The following ERICH2 variants were observed in gnomAD, a reference collection of about 807,000 sequenced individuals.
The protein encoded by ERICH2 is glutamate rich 2, also known as glutamate-rich protein 2.
A neutral mutation model predicts 17.4 loss-of-function variants in ERICH2; 17 were observed. The observed-to-expected ratio is 0.98, with a 90% CI of 0.67 to 1.47. ERICH2 has a LOEUF of 1.47. Ranked by LOEUF, ERICH2 falls within the 40% of genes most tolerant of loss-of-function variation. The pLI is 0.00. For missense variants in ERICH2, 186 were observed against 183.2 expected (o/e 1.01, Z -0.09); for synonymous variants, 51 against 61.1 (o/e 0.83, Z 0.77).
intron 3 of ERICH2, among the ~76,000 whole-genome samples, chr2:170,796,852 AT>A (rs1211580599): frequency 6.6e-6 from 1 of 152,162 alleles, no homozygotes; most frequent in Non-Finnish European, 1.5e-5. Flanking sequence ...ATGATGCAAA[AT>A]TATGAATACT....
At chr2:170,783,430 G>A (rs190436384), upstream of ERICH2, among the ~76,000 whole-genome samples, 1 of 152,188 alleles carries the variant, frequency 6.6e-6, no homozygotes, top group Admixed American at 6.5e-5. Context: ...TGCGCCTGTA[G>A]TCCAGCTACT....
intron 2 of ERICH2, among the ~76,000 whole-genome samples, chr2:170,787,276 T>G (rs2105701658): frequency 6.6e-6 from 1 of 152,342 alleles, no homozygotes; most frequent in African/African-American, 2.4e-5. Context: ...GGGTACAAAC[T>G]TTTTTTGTTT....
chr2:170,771,087 T>G, the ERICH2 span: 1 of 153,206 alleles, frequency 6.5e-6, no homozygotes, highest in Non-Finnish European at 1.5e-5. This position sits in a 1 kb window ranked among gnomAD's most constrained non-coding sequence, Gnocchi z 4.8. Flanking sequence ...ACGGCGACGC[T>G]GCGTTCCCGA....
Position 170,792,851 on chromosome 2 carries a change from A to C in ERICH2, c.217-12A>C. ...TTAAATTCACTTATCTGAAGAATTTAATGTTTTCCAGTTTCTGAGAGCAGA... is the reference window on the plus strand; with the variant it reads ...TTAAATTCACTTATCTGAAGAATTTCATGTTTTCCAGTTTCTGAGAGCAGA... On this transcript the variant is annotated splice_polypyrimidine_tract_variant and intron_variant, in intron 2 of 4. Coordinates refer to ENST00000409885, the Ensembl canonical transcript of ERICH2. 1 of 1,489,464 alleles carries C rather than the reference A, an allele frequency of 6.7e-7. No individual in the cohort carries two copies. Among genetic ancestry groups the C allele is most frequent in the Non-Finnish European group, 9.0e-7 (1 of 1,111,348 alleles). 92.3% of individuals were successfully genotyped at this position (1,489,464 alleles called of 1,614,324 possible).
the ERICH2 span, chr2:170,771,557 T>TGGCCC: frequency 6.6e-6 from 1 of 151,924 alleles, no homozygotes; most frequent in Non-Finnish European, 1.5e-5. This position sits in a 1 kb window ranked among gnomAD's most constrained non-coding sequence, Gnocchi z 4.8. Flanking sequence ...ATAACGAAGA[T>TGGCCC]GGCCCAGCCC....
intron 2 of ERICH2, among the ~76,000 whole-genome samples, chr2:170,785,205 T>C (rs1701130372): frequency 6.6e-6 from 1 of 152,190 alleles, no homozygotes; most frequent in Admixed American, 6.5e-5. Context: ...TTACACATTG[T>C]ATACAAGTAT....
chr2:170,778,641 A>G, the ERICH2 span, among the ~76,000 whole-genome samples: 2 of 152,174 alleles, frequency 1.3e-5, no homozygotes, highest in African/African-American at 2.4e-5. Flanking sequence ...CCAGAAAAAA[A>G]GAGCCTTGTT....
At chr2:170,791,780 T>C (rs1701297416) in intron 2 of ERICH2, among the ~76,000 whole-genome samples, 1 of 151,862 alleles carries the variant, frequency 6.6e-6, no homozygotes, top group African/African-American at 2.4e-5. Flanking sequence ...TAATGACTTA[T>C]AGAAAAATCT....
intron 3 of ERICH2, among the ~76,000 whole-genome samples, chr2:170,794,210 G>A (rs904765386): frequency 1.4e-5 from 2 of 144,656 alleles, no homozygotes; most frequent in Admixed American, 7.3e-5. Context: ...GAGTTCAAGT[G>A]ATTCTTATGC....
chr2:170,785,206 A>G (rs184409549), intron 2 of ERICH2, among the ~76,000 whole-genome samples: 4 of 152,320 alleles, frequency 2.6e-5, no homozygotes, highest in Non-Finnish European at 4.4e-5. Context: ...TACACATTGT[A>G]TACAAGTATC....
intron 3 of ERICH2, 131 bp downstream of exon 8, chr2:170,793,051 A>C: frequency 2.0e-6 from 1 of 500,964 alleles, no homozygotes; most frequent in Non-Finnish European, 3.6e-6. Flanking sequence ...ATTCCTTGAT[A>C]ATAAATTAGG....
At chr2:170,777,474 C>G in the ERICH2 span, 2 of 1,183,608 alleles carry the variant, frequency 1.7e-6, no homozygotes, top group Non-Finnish European at 2.1e-6. Context: ...CTATCTTGTC[C>G]TAAATAGTAA....
the ERICH2 span, chr2:170,770,985 C>G: frequency 6.8e-6 from 1 of 147,776 alleles, no homozygotes; most frequent in Non-Finnish European, 1.5e-5. Context: ...GCCCCCGCCC[C>G]CGCCCCCGCC....
chr2:170,794,670 C>T (rs1439445267), intron 3 of ERICH2, among the ~76,000 whole-genome samples: 2 of 152,130 alleles, frequency 1.3e-5, no homozygotes, highest in Non-Finnish European at 2.9e-5. Flanking sequence ...AAAATAGCAA[C>T]TCTACAATTA....
intron 2 of ERICH2, among the ~76,000 whole-genome samples, chr2:170,791,441 A>C (rs1315715782): frequency 6.6e-6 from 1 of 151,816 alleles, no homozygotes; most frequent in Non-Finnish European, 1.5e-5. Flanking sequence ...TATCCATATT[A>C]ATTAGTATGT....
the ERICH2 span, among the ~76,000 whole-genome samples, chr2:170,774,565 T>TTC: frequency 0.13 from 5,859 of 45,048 alleles, 483 homozygotes; most frequent in Admixed American, 0.23. Flanking sequence ...GAGCCCCATC[T>TTC]TTTTTTTTTT....
the ERICH2 span, chr2:170,777,382 A>G: frequency 8.7e-7 from 1 of 1,143,550 alleles, no homozygotes; most frequent in Non-Finnish European, 1.1e-6. Flanking sequence ...TTTAGACAGC[A>G]AAGAACAAAC....
intron 3 of ERICH2, among the ~76,000 whole-genome samples, chr2:170,796,518 C>A (rs1701428109): frequency 6.7e-6 from 1 of 148,988 alleles, no homozygotes. Context: ...CCACTGCAAC[C>A]TCCATCTCCT....
chr2:170,785,274 T>A (rs1332021718), intron 2 of ERICH2, among the ~76,000 whole-genome samples: 1 of 152,102 alleles, frequency 6.6e-6, no homozygotes, highest in Non-Finnish European at 1.5e-5. Flanking sequence ...TAAACATTTT[T>A]AAAAATTAAT....
Sources: gnomAD v4.1 joint callset for allele counts (sites outside exome capture counted in the v4.1 genomes callset) on GRCh38, gnomAD v4.1.1 for gene constraint, Gnocchi (gnomAD v3.1) non-coding constraint, MANE v1.5 for transcripts, NCBI Gene and HGNC (gene_info 2026-07-23, HGNC 2026-07-21) for gene names.